The following CEP43 variants were observed in gnomAD, a reference collection of about 807,000 sequenced individuals.
The protein encoded by CEP43 is FGFR1 oncogene partner.
CEP43 carries 36 observed loss-of-function variants against 52.6 expected under a neutral mutation model. The observed-to-expected ratio is 0.68, with a 90% CI of 0.52 to 0.90. The LOEUF (loss-of-function observed/expected upper bound fraction) is 0.90. Ranked by LOEUF, CEP43 falls within the 40% of genes least tolerant of loss-of-function variation. The probability of loss-of-function intolerance (pLI) is 0.00; values close to 1 mark genes in which losing one functional copy is unlikely to be tolerated. For synonymous variants in CEP43, 192 were observed against 172.4 expected, an observed-to-expected ratio of 1.11 and a Z score of -0.89; for missense variants, 506 against 472.8, an observed-to-expected ratio of 1.07 and a Z score of -0.65.
At chr6:167,024,684 A>G in intron 8 of CEP43, 98 bp from the exon 9 acceptor site, 1 of 822,706 alleles carries the variant, frequency 1.2e-6, no homozygotes, top group South Asian at 1.6e-5. Context: ...CACCACACGT[A>G]TAAAATATCT....
At chr6:167,020,374 A>G (rs928820496) in intron 7 of CEP43, among the ~76,000 whole-genome samples, 3 of 152,254 alleles carry the variant, frequency 2.0e-5, no homozygotes, top group Admixed American at 1.3e-4. Context: ...ATGTAAACGT[A>G]TATCATAAGA....
rs1780320347 is a variant in CEP43 at position 167,024,886 on chromosome 6, ACT to A, written c.914_915del (p.Ser305Ter). The A allele has an allele frequency of 5.0e-6, 8 of 1,586,230 alleles. No individual in the cohort carries two copies. Among genetic ancestry groups the A allele is most frequent in the Non-Finnish European group, 6.9e-6 (8 of 1,157,032 alleles). On this transcript the variant is annotated frameshift_variant, in exon 9 of 13. Transcript: ENST00000366847. LOFTEE classifies it high-confidence loss of function. The stretch of plus-strand genomic sequence containing the variant: ...CTGGCGGGAGCCCCTTCTTTAAAAG[ACT>A]CTGAGAGTAAGTGCCCAAAGATGTG...
chr6:167,014,203 C>A (rs1780045020), intron 7 of CEP43, among the ~76,000 whole-genome samples: 1 of 152,176 alleles, frequency 6.6e-6, no homozygotes, highest in Non-Finnish European at 1.5e-5. Context: ...GAACATCAAA[C>A]TATTTTTTTG....
In CEP43 at chr6:167,041,725, T is replaced by C; in HGVS notation, c.*1747T>C. On this transcript the variant is annotated 3_prime_UTR_variant, in exon 13 of 13. Coordinates refer to ENST00000366847, the MANE Select transcript of CEP43 (RefSeq NM_007045.4). ...ACAGTAGCAACTGAAATTTGTCACT[T>C]TTCTGTTACGCAGAGAATCAGACCT... 9.7e-7 allele frequency: 1 copy of C among 1,034,564 alleles called. No individual in the cohort carries two copies. Among genetic ancestry groups the C allele is most frequent in the Non-Finnish European group, 1.2e-6 (1 of 859,790 alleles). The allele number at this position is 1,034,564 out of a possible 1,614,324, so 64.1% of individuals were successfully genotyped here.
At chr6:167,012,999 C>G (rs554616534) in intron 6 of CEP43, among the ~76,000 whole-genome samples, 6 of 152,176 alleles carry the variant, frequency 3.9e-5, no homozygotes, top group Non-Finnish European at 5.9e-5. Flanking sequence ...ACTAAAGGAC[C>G]TGGATTTGGG....
Position 167,022,653 on chromosome 6 carries a change from G to C in CEP43, c.806+18G>C, listed in dbSNP as rs772655774. ...TACGGTTTGTGAGTAAATGGTTTTTGAGCTATGAGACTAGGGGTTTAAAAA... is the reference window on the plus strand; with the variant it reads ...TACGGTTTGTGAGTAAATGGTTTTTCAGCTATGAGACTAGGGGTTTAAAAA... On this transcript the variant is annotated intron_variant, in intron 8 of 12. Coordinates refer to ENST00000366847, the MANE Select transcript of CEP43 (RefSeq NM_007045.4). 2 of 1,517,400 alleles carry C rather than the reference G, an allele frequency of 1.3e-6. No homozygotes were observed. Among genetic ancestry groups the C allele is most frequent in the Non-Finnish European group, 1.8e-6 (2 of 1,093,626 alleles). The allele number at this position is 1,517,400 out of a possible 1,614,324, so 94.0% of individuals were successfully genotyped here. A position where few individuals can be genotyped will look rare whatever the true frequency, so the allele number is the denominator to read the frequency against.
At chr6:166,999,914 C>G (rs1019294964) in intron 1 of CEP43, 146 bp from the exon 2 acceptor site, 2 of 631,606 alleles carry the variant, frequency 3.2e-6, no homozygotes, top group Admixed American at 2.9e-5. Flanking sequence ...GCTTGTGTGA[C>G]TGAGAACGTT....
In CEP43 at chr6:167,007,281, G is replaced by A. The variant is rs779027517; in HGVS notation, c.438+2880G>A. Among the ~76,000 whole-genome samples the A allele has an allele frequency of 3.9e-5, 6 of 152,192 alleles. No homozygotes were observed. In the East Asian group the frequency reaches 1.2e-3, roughly 29 times the overall value. ...ATGTGAAAATGGACACAGAATCACTGTTCTTCAGTACTTCATTCTGACTCG... is the reference window on the plus strand; with the variant it reads ...ATGTGAAAATGGACACAGAATCACTATTCTTCAGTACTTCATTCTGACTCG... On this transcript the variant is annotated intron_variant, in intron 5 of 12. Transcript: ENST00000366847.
intron 2 of CEP43, among the ~76,000 whole-genome samples, chr6:167,002,548 A>G (rs1464136643): frequency 6.6e-6 from 1 of 152,162 alleles, no homozygotes; most frequent in Non-Finnish European, 1.5e-5. Flanking sequence ...ACACTACCAA[A>G]TTGCTGTCCA....
chr6:167,024,729 T>G lies in CEP43; in HGVS notation c.807-53T>G, dbSNP rs1583284609. ...TTTTGTTTCTGTGGCAGAATAAAAG[T>G]GTTTAGTGGCAGAACATAAGAGCAC... On this transcript the variant is annotated intron_variant, in intron 8 of 12. Transcript: ENST00000366847. 3.4e-6 allele frequency: 4 copies of G among 1,193,226 alleles called. No individual in the cohort carries two copies. The Admixed American group carries it at 8.3e-5, about 25-fold the overall frequency. The allele number at this position is 1,193,226 out of a possible 1,614,324, so 73.9% of individuals were successfully genotyped here. A position where few individuals can be genotyped will look rare whatever the true frequency, so the allele number is the denominator to read the frequency against.
Position 167,041,258 on chromosome 6 carries a change from C to T in CEP43, c.*1280C>T. The T allele has an allele frequency of 9.5e-7, 1 of 1,048,410 alleles. No homozygotes were observed. Among genetic ancestry groups the T allele is most frequent in the African/African-American group, 1.7e-5 (1 of 60,154 alleles). The allele number at this position is 1,048,410 out of a possible 1,614,324, so 64.9% of individuals were successfully genotyped here. A position where few individuals can be genotyped will look rare whatever the true frequency, so the allele number is the denominator to read the frequency against. ...AATATTACAGAAATTACTCCTTGGG[C>T]TCTAAAATGTAGAGGAAATGAAAAT... On this transcript the variant is annotated 3_prime_UTR_variant, in exon 13 of 13. Transcript: ENST00000366847.
intron 6 of CEP43, 46 bp from the exon 7 acceptor site, chr6:167,013,462 A>G (rs1780027429): frequency 6.7e-7 from 1 of 1,496,676 alleles, no homozygotes; most frequent in East Asian, 2.3e-5. Flanking sequence ...TTATTTTTTA[A>G]AGATTTCTAT....
intron 7 of CEP43, among the ~76,000 whole-genome samples, chr6:167,014,431 T>G (rs1248020142): frequency 1.3e-5 from 2 of 152,226 alleles, no homozygotes; most frequent in Non-Finnish European, 2.9e-5. Context: ...GTAGATTAGC[T>G]GCTTATGAAA....
At chr6:167,037,488 A>G (rs1780607722) in intron 12 of CEP43, among the ~76,000 whole-genome samples, 1 of 152,218 alleles carries the variant, frequency 6.6e-6, no homozygotes, top group South Asian at 2.1e-4. Context: ...CTGACTTTTC[A>G]GTTTTTGTGT....
At chr6:167,029,129 C>T (rs1046436372) in intron 10 of CEP43, among the ~76,000 whole-genome samples, 1 of 152,100 alleles carries the variant, frequency 6.6e-6, no homozygotes, top group Non-Finnish European at 1.5e-5. Flanking sequence ...TCTTAGTTCA[C>T]AGGCTGAACA....
chr6:167,012,035 G>C (rs1779998561), intron 6 of CEP43, among the ~76,000 whole-genome samples: 1 of 152,192 alleles, frequency 6.6e-6, no homozygotes, highest in South Asian at 2.1e-4. Context: ...TGATGCTGTG[G>C]AGTCCATTCC....
rs902831350 is a variant in CEP43 at position 167,044,092 on chromosome 6, A to G, written c.*4114A>G. ...CCTATGAGGAAACAGGCCCTCCCAG[A>G]TGGTGAACCTGCCGGTACCTTGATC... On this transcript the variant is annotated 3_prime_UTR_variant, in exon 13 of 13. Coordinates refer to ENST00000366847, the MANE Select transcript of CEP43 (RefSeq NM_007045.4). The G allele has an allele frequency of 6.6e-6, 1 of 152,220 alleles. No individual in the cohort carries two copies. The highest frequency in any genetic ancestry group is 6.5e-5 in the Admixed American group (1 of 15,282). The allele number at this position is 152,220 out of a possible 1,614,324, so 9.4% of individuals were successfully genotyped here. A position where few individuals can be genotyped will look rare whatever the true frequency, so the allele number is the denominator to read the frequency against.
rs561215356 is a variant in CEP43 at position 167,042,466 on chromosome 6, T to C, written c.*2488T>C. The stretch of plus-strand genomic sequence containing the variant: ...ATGTTGGATAACAACCTGTGGGCAG[T>C]TGTGTAGATGCCATTAGTCCCTGCC... On this transcript the variant is annotated 3_prime_UTR_variant, in exon 13 of 13. Coordinates refer to ENST00000366847, the MANE Select transcript of CEP43 (RefSeq NM_007045.4). 1.4e-6 allele frequency: 1 copy of C among 705,132 alleles called. No individual in the cohort carries two copies. Among genetic ancestry groups the C allele is most frequent in the Non-Finnish European group, 1.7e-6 (1 of 573,282 alleles). 43.7% of individuals were successfully genotyped at this position (705,132 alleles called of 1,614,324 possible). A position where few individuals can be genotyped will look rare whatever the true frequency, so the allele number is the denominator to read the frequency against.
intron 11 of CEP43, 58 bp from the exon 12 acceptor site, chr6:167,033,817 A>C: frequency 1.3e-6 from 1 of 755,046 alleles, no homozygotes; most frequent in South Asian, 1.8e-5. Context: ...AAAGAATAGT[A>C]ATCTCTTTAA....
Sources: allele counts gnomAD v4.1 joint callset (sites outside exome capture counted in the v4.1 genomes callset), GRCh38; gene constraint gnomAD v4.1.1; transcripts MANE v1.5; gene names NCBI Gene and HGNC (gene_info 2026-07-23, HGNC 2026-07-21).